Variants in CRACD observed in about 807,000 individuals in gnomAD.
CRACD encodes the protein capping protein-inhibiting regulator of actin dynamics.
Under a neutral mutation model 106.8 loss-of-function variants are expected in CRACD, and 56 were observed. The observed-to-expected ratio is 0.52, with a 90% CI of 0.42 to 0.66. CRACD has a LOEUF of 0.66. Among genes scored for constraint, CRACD ranks in the 30% least tolerant of loss-of-function variants. The pLI, the probability that CRACD is intolerant of heterozygous loss-of-function variation, is 0.00. For synonymous variants in CRACD, 754 were observed against 670.8 expected (o/e 1.12, Z -1.92); for missense variants, 1,730 against 1,623.2 (o/e 1.07, Z -1.13).
intron 1 of CRACD, 123 bp downstream of exon 1, chr4:56,049,422 C>T (rs113241227): frequency 6.6e-6 from 1 of 151,878 alleles, no homozygotes; most frequent in Non-Finnish European, 1.5e-5. Context: ...GGGACCTGGC[C>T]CCGGGGGCGT....
At chr4:56,082,722 T>C (rs1267746413) in intron 1 of CRACD, among the ~76,000 whole-genome samples, 1 of 152,122 alleles carries the variant, frequency 6.6e-6, no homozygotes, top group African/African-American at 2.4e-5. Context: ...ATTTCAGTTA[T>C]AGAGCTGGGA....
intron 1 of CRACD, among the ~76,000 whole-genome samples, chr4:56,129,335 T>C (rs1003382216): frequency 7.9e-5 from 12 of 152,210 alleles, no homozygotes; most frequent in Non-Finnish European, 4.4e-5. Flanking sequence ...CCCAAAGTAC[T>C]GGGATTACGG....
At chr4:56,292,719 T>C (rs979771788) in intron 3 of CRACD, among the ~76,000 whole-genome samples, 1 of 151,958 alleles carries the variant, frequency 6.6e-6, no homozygotes, top group African/African-American at 2.4e-5. Flanking sequence ...AGAGACAGGG[T>C]TTCACCGTGT....
chr4:56,206,922 A>C (rs542808872), intron 2 of CRACD, among the ~76,000 whole-genome samples: 1 of 152,308 alleles, frequency 6.6e-6, no homozygotes, highest in East Asian at 1.9e-4. Flanking sequence ...ACCATTTAAC[A>C]TTCTGGAGAT....
At chr4:56,170,871 A>C (rs546645564) in intron 1 of CRACD, among the ~76,000 whole-genome samples, 3 of 152,272 alleles carry the variant, frequency 2.0e-5, no homozygotes, top group Non-Finnish European at 4.4e-5. Flanking sequence ...ATGGGGAGTC[A>C]TCATGTGTTT....
At chr4:56,122,220 A>T (rs561945940) in intron 1 of CRACD, among the ~76,000 whole-genome samples, 35 of 152,118 alleles carry the variant, frequency 2.3e-4, no homozygotes, top group Non-Finnish European at 3.4e-4. Context: ...GCAAGAGGAG[A>T]TTAGCGATAC....
At chr4:56,130,351 T>C (rs999171192) in intron 1 of CRACD, among the ~76,000 whole-genome samples, 3 of 152,176 alleles carry the variant, frequency 2.0e-5, no homozygotes, top group African/African-American at 7.2e-5. Flanking sequence ...ATTAATGTAA[T>C]GTATATAGGA....
Position 56,120,374 on chromosome 4 carries a change from AT to A in CRACD, c.-335-58907del, listed in dbSNP as rs201328327. 5.0e-3 allele frequency among the ~76,000 whole-genome samples: 768 copies of A among 152,326 alleles called. 5 individuals carry two copies. Among genetic ancestry groups the A allele is most frequent in the Admixed American group, 0.015 (225 of 15,304 alleles). On this transcript the variant is annotated intron_variant, in intron 1 of 10. Transcript: ENST00000682029. ...GCACACTGCCAGGCACAGAACAAAG[AT>A]TTATTAATGTTTGTTGATTAAAGGA... is the stretch of plus-strand genomic sequence containing the variant.
At chr4:56,275,371 T>A (rs2109656761) in intron 3 of CRACD, among the ~76,000 whole-genome samples, 1 of 152,262 alleles carries the variant, frequency 6.6e-6, no homozygotes, top group Admixed American at 6.5e-5. Context: ...GGGAAGATCA[T>A]TTGAGCCAGG....
chr4:56,061,872 C>G (rs1486580425), intron 1 of CRACD, among the ~76,000 whole-genome samples: 1 of 152,228 alleles, frequency 6.6e-6, no homozygotes, highest in East Asian at 1.9e-4. Flanking sequence ...GGAATTCAGT[C>G]TCTTCAGCAT....
intron 5 of CRACD, chr4:56,308,713 GAC>G (rs752900328): frequency 4.1e-6 from 4 of 984,844 alleles, no homozygotes; most frequent in Non-Finnish European, 4.8e-6. Flanking sequence ...CCCACGCATT[GAC>G]ACCCTTTGTG....
At chr4:56,322,922 G>A (rs1478894805) in intron 8 of CRACD, among the ~76,000 whole-genome samples, 2 of 152,112 alleles carry the variant, frequency 1.3e-5, no homozygotes, top group Non-Finnish European at 2.9e-5. Context: ...CTAGCTACTC[G>A]CGAGGCTGAA....
chr4:56,290,608 T>C (rs557420732), intron 3 of CRACD, among the ~76,000 whole-genome samples: 27 of 152,302 alleles, frequency 1.8e-4, no homozygotes, highest in Middle Eastern at 3.4e-3. Flanking sequence ...GCTGGTATCT[T>C]TGGGCTGATT....
chr4:56,123,473 C>T (rs1313293500), intron 1 of CRACD, among the ~76,000 whole-genome samples: 1 of 152,192 alleles, frequency 6.6e-6, no homozygotes, highest in African/African-American at 2.4e-5. Context: ...ATGAAGCTCC[C>T]CTCTCTTTGA....
intron 1 of CRACD, among the ~76,000 whole-genome samples, chr4:56,101,690 C>G (rs1378975795): frequency 6.9e-6 from 1 of 145,404 alleles, no homozygotes; most frequent in African/African-American, 2.6e-5. Flanking sequence ...TTGAACCCAG[C>G]AGGTAGAGTT....
At chr4:56,232,326 T>TGCCAAGTTAATTCCTTTTTATC (rs1329246751) in intron 2 of CRACD, among the ~76,000 whole-genome samples, 2 of 152,252 alleles carry the variant, frequency 1.3e-5, no homozygotes, top group African/African-American at 2.4e-5. Context: ...TCCTTTTTAT[T>TGCCAAGTTAATTCCTTTTTATC]GCCAAGTTAA....
At chr4:56,214,242 C>T (rs533410928) in intron 2 of CRACD, among the ~76,000 whole-genome samples, 1 of 152,064 alleles carries the variant, frequency 6.6e-6, no homozygotes, top group Non-Finnish European at 1.5e-5. Context: ...TGAGAGGGCT[C>T]TCTCAGATTT....
At chr4:56,174,079 G>A (rs532060015) in intron 1 of CRACD, among the ~76,000 whole-genome samples, 6 of 152,322 alleles carry the variant, frequency 3.9e-5, no homozygotes, top group African/African-American at 9.6e-5. Flanking sequence ...TTACTGAGTT[G>A]TAGGAGTCAC....
intron 2 of CRACD, among the ~76,000 whole-genome samples, chr4:56,214,309 T>A (rs569978337): frequency 1.3e-5 from 2 of 152,092 alleles, no homozygotes; most frequent in Non-Finnish European, 2.9e-5. Flanking sequence ...ATTTAAAAAA[T>A]ATAGGCCGGG....
Sources: gnomAD v4.1 joint callset for allele counts (sites outside exome capture counted in the v4.1 genomes callset) on GRCh38, gnomAD v4.1.1 for gene constraint, MANE v1.5 for transcripts, NCBI Gene and HGNC (gene_info 2026-07-23, HGNC 2026-07-21) for gene names.